Variants in MTAP observed in about 807,000 individuals in gnomAD.
MTAP encodes the protein methylthioadenosine phosphorylase, also known as S-methyl-5'-thioadenosine phosphorylase.
In MTAP, 33 loss-of-function variants were observed where a neutral mutation model predicts 33.6. The ratio of observed to expected loss-of-function variants is 0.98; its 90% CI spans 0.74 to 1.31. MTAP has a LOEUF of 1.31. Among genes scored for constraint, MTAP ranks in the 40% most tolerant of loss-of-function variants. The pLI, the probability that MTAP is intolerant of heterozygous loss-of-function variation, is 0.00. For synonymous variants in MTAP, 148 were observed against 125.7 expected (o/e 1.18, Z -1.19); for missense variants, 367 against 360.0 (o/e 1.02, Z -0.16).
intron 1 of MTAP, among the ~76,000 whole-genome samples, chr9:21,814,959 A>T (rs1408664644): frequency 1.3e-5 from 2 of 152,214 alleles, no homozygotes; most frequent in African/African-American, 2.4e-5. Context: ...ATCAAATAGA[A>T]CAGTGAGGAG....
intron 1 of MTAP, among the ~76,000 whole-genome samples, chr9:21,911,900 G>C (rs915588394): frequency 6.6e-6 from 1 of 151,984 alleles, no homozygotes; most frequent in Non-Finnish European, 1.5e-5. Flanking sequence ...TGATAAGGAA[G>C]AAAAGAGAGA....
chr9:21,803,034 A>ACC, intron 1 of MTAP: 2 of 1,021,470 alleles, frequency 2.0e-6, no homozygotes, highest in African/African-American at 1.8e-5. Context: ...ACACACACAC[A>ACC]CACCACCTTT....
chr9:21,818,256 A>C, intron 4 of MTAP, 54 bp downstream of exon 4: 11 of 1,570,496 alleles, frequency 7.0e-6, no homozygotes, highest in East Asian at 2.4e-5. Context: ...TTTTCAGCTC[A>C]AATGGACGAC....
intron 1 of MTAP, among the ~76,000 whole-genome samples, chr9:21,813,523 A>G (rs1404361046): frequency 2.6e-5 from 4 of 152,192 alleles, no homozygotes; most frequent in African/African-American, 9.7e-5. Context: ...ATTTCTCAAC[A>G]ACTGCTACAA....
At chr9:21,883,211 G>T (rs1216075787) in intron 1 of MTAP, among the ~76,000 whole-genome samples, 1 of 151,240 alleles carries the variant, frequency 6.6e-6, no homozygotes. Flanking sequence ...AATTAGAAAA[G>T]GGAGTAAAAG....
At position 21,877,346 on chromosome 9, in the gene MTAP, T is replaced by C. The variant is rs187408544; in HGVS notation, c.147+22476T>C. On this transcript the variant is annotated intron_variant, in intron 1 of 1. Coordinates refer to the MTAP transcript ENST00000577563. ...CCTCTCTTCCTATTTAGATGCTCTC[T>C]ATTTCTTGCTCTTGCCTGATTGCTC... Among the ~76,000 whole-genome samples the C allele has an allele frequency of 7.9e-5, 12 of 152,314 alleles. No homozygotes were observed. In the East Asian group the frequency reaches 9.6e-4, roughly 12 times the overall value.
At chr9:21,883,722 G>T (rs941426271) in intron 1 of MTAP, among the ~76,000 whole-genome samples, 2 of 151,444 alleles carry the variant, frequency 1.3e-5, no homozygotes, top group Non-Finnish European at 2.9e-5. Flanking sequence ...CCAGACCACA[G>T]GTGGTCTGGA....
At chr9:21,835,565 C>A (rs955684693) in intron 4 of MTAP, among the ~76,000 whole-genome samples, 10 of 152,106 alleles carry the variant, frequency 6.6e-5, no homozygotes, top group Non-Finnish European at 1.0e-4. Flanking sequence ...GGGCAACAGT[C>A]CCCACTTTGT....
At chr9:21,868,793 A>G (rs1182945051), downstream of MTAP, among the ~76,000 whole-genome samples, 1 of 152,114 alleles carries the variant, frequency 6.6e-6, no homozygotes, top group Non-Finnish European at 1.5e-5. Context: ...TCCTGTTACC[A>G]TCTGTGATAG....
chr9:21,825,651 A>T lies in MTAP; in HGVS notation c.347+7449A>T, dbSNP rs1208737961. Among the ~76,000 whole-genome samples the T allele has an allele frequency of 3.3e-5, 5 of 152,330 alleles. No individual in the cohort carries two copies. The East Asian group carries it at 9.7e-4, about 29-fold the overall frequency. On this transcript the variant is annotated intron_variant, in intron 4 of 7. Transcript: ENST00000644715. The stretch of plus-strand genomic sequence containing the variant: ...CCAGAAGTTTGAGACCAGCTTGGGC[A>T]ACATAGTGAGACCTTGTCTCTGTAA...
In MTAP at chr9:21,864,063, C is replaced by T; in HGVS notation, c.*2049C>T. The T allele has an allele frequency of 6.1e-6, 6 of 985,468 alleles. No individual in the cohort carries two copies. The highest frequency in any genetic ancestry group is 7.2e-6 in the Non-Finnish European group (6 of 829,916). The allele number at this position is 985,468 out of a possible 1,614,324, so 61.0% of individuals were successfully genotyped here. ...ACATAGATGGTACCTTACTTTTCCTCATTCTTAATAGGTGTCTAAGAATGT... is the reference window on the plus strand; with the variant it reads ...ACATAGATGGTACCTTACTTTTCCTTATTCTTAATAGGTGTCTAAGAATGT... On this transcript the variant is annotated 3_prime_UTR_variant, in exon 8 of 8. Transcript: ENST00000644715.
chr9:21,858,320 A>G (rs183254830), intron 6 of MTAP, among the ~76,000 whole-genome samples: 349 of 152,326 alleles, frequency 2.3e-3, no homozygotes, highest in African/African-American at 8.2e-3. Flanking sequence ...TGAAATCTGT[A>G]TTAGTCTGTT....
downstream of MTAP, among the ~76,000 whole-genome samples, chr9:21,869,695 A>AT (rs1825908475): frequency 6.6e-6 from 1 of 152,066 alleles, no homozygotes; most frequent in African/African-American, 2.4e-5. Flanking sequence ...ACCAGGAAAA[A>AT]TTTATTTACC....
intron 1 of MTAP, among the ~76,000 whole-genome samples, chr9:21,916,565 A>G (rs1281301378): frequency 6.6e-6 from 1 of 152,104 alleles, no homozygotes; most frequent in Non-Finnish European, 1.5e-5. Context: ...AGCCGAGATC[A>G]TGCCACTGCA....
At chr9:21,815,600 A>AAAAG (rs1587202440) in intron 2 of MTAP, 81 bp downstream of exon 2, 1 of 1,067,796 alleles carries the variant, frequency 9.4e-7, no homozygotes, top group East Asian at 2.6e-5. Flanking sequence ...TAAAAAAAAA[A>AAAAG]AAAAGAATTG....
chr9:21,824,571 C>A (rs1183255314), intron 4 of MTAP, among the ~76,000 whole-genome samples: 1 of 152,222 alleles, frequency 6.6e-6, no homozygotes, highest in South Asian at 2.1e-4. Context: ...AGGAGGCAGT[C>A]TGTCCATTCT....
intron 1 of MTAP, among the ~76,000 whole-genome samples, chr9:21,915,055 C>CCTTCCTTTCTTTCTTTCTTTCTTTCTTT (rs1554649248): frequency 1.5e-3 from 39 of 25,850 alleles, no homozygotes; most frequent in East Asian, 6.6e-3. Flanking sequence ...TTCCTTCCTT[C>CCTTCCTTTCTTTCTTTCTTTCTTTCTTT]CTTTCTTTCT....
intron 1 of MTAP, among the ~76,000 whole-genome samples, chr9:21,915,591 A>G (rs75548366): frequency 3.3e-5 from 5 of 152,126 alleles, no homozygotes; most frequent in Admixed American, 6.5e-5. Context: ...ACTGGGCTAT[A>G]TGGTAACTCC....
intron 1 of MTAP, among the ~76,000 whole-genome samples, chr9:21,891,768 T>A (rs960447124): frequency 6.6e-6 from 1 of 152,030 alleles, no homozygotes; most frequent in African/African-American, 2.4e-5. Context: ...TGCAGGAAAT[T>A]TAGAGAAACC....
Sources: allele counts gnomAD v4.1 joint callset (sites outside exome capture counted in the v4.1 genomes callset), GRCh38; gene constraint gnomAD v4.1.1; transcripts MANE v1.5; gene names NCBI Gene and HGNC (gene_info 2026-07-23, HGNC 2026-07-21).